The following RFX4 variants were observed in gnomAD, a reference collection of about 807,000 sequenced individuals.
The protein encoded by RFX4 is transcription factor RFX4.
Under a neutral mutation model 95.0 loss-of-function variants are expected in RFX4, and 10 were observed. The ratio of observed to expected loss-of-function variants is 0.11; its 90% CI spans 0.06 to 0.18. RFX4 has a LOEUF of 0.18. Ranked by LOEUF, RFX4 falls within the 10% of genes least tolerant of loss-of-function variation. The pLI, the probability that RFX4 is intolerant of heterozygous loss-of-function variation, is 1.00. For missense variants in RFX4, 640 were observed against 922.0 expected (o/e 0.69, Z 3.96); for synonymous variants, 321 against 340.7 (o/e 0.94, Z 0.64).
At chr12:106,654,506 T>C (rs1220343367) in intron 4 of RFX4, among the ~76,000 whole-genome samples, 155 bp downstream of exon 4, 1 of 152,264 alleles carries the variant, frequency 6.6e-6, no homozygotes, top group Non-Finnish European at 1.5e-5. Flanking sequence ...AATACTTTGC[T>C]ATCAAAATTT....
At chr12:106,590,775 A>G (rs80234921) in intron 1 of RFX4, among the ~76,000 whole-genome samples, 15,318 of 152,110 alleles carry the variant, frequency 0.1, 929 homozygotes, top group Non-Finnish European at 0.12. Context: ...TGACACTCTT[A>G]TCTCTACAAG....
At chr12:106,653,581 A>G (rs2040897146) in intron 3 of RFX4, among the ~76,000 whole-genome samples, 1 of 152,190 alleles carries the variant, frequency 6.6e-6, no homozygotes, top group Admixed American at 6.5e-5. Flanking sequence ...AGAATCCCTA[A>G]TGGAGACTCA....
chr12:106,744,246 A>G (rs2042854817), intron 15 of RFX4, among the ~76,000 whole-genome samples: 1 of 152,200 alleles, frequency 6.6e-6, no homozygotes, highest in Non-Finnish European at 1.5e-5. Context: ...TGCTAAAGTC[A>G]TTATCTTTTG....
At chr12:106,729,195 T>G (rs760536404) in intron 13 of RFX4, among the ~76,000 whole-genome samples, 3 of 152,230 alleles carry the variant, frequency 2.0e-5, no homozygotes, top group Non-Finnish European at 4.4e-5. Flanking sequence ...AAGCTTTCCA[T>G]GCTAATTCAT....
At chr12:106,605,454 G>A (rs560092191) in intron 1 of RFX4, among the ~76,000 whole-genome samples, 71 of 152,290 alleles carry the variant, frequency 4.7e-4, no homozygotes, top group Non-Finnish European at 8.7e-4. Context: ...CAGATCCAAG[G>A]CCCGAATCTG....
At chr12:106,731,268 G>C (rs942246213) in intron 13 of RFX4, among the ~76,000 whole-genome samples, 5 of 152,138 alleles carry the variant, frequency 3.3e-5, no homozygotes, top group Non-Finnish European at 7.4e-5. Flanking sequence ...GTGCATGGTA[G>C]CAGCATGACA....
chr12:106,648,898 C>T (rs1042861065), intron 3 of RFX4, among the ~76,000 whole-genome samples: 6 of 152,052 alleles, frequency 3.9e-5, no homozygotes, highest in Admixed American at 6.6e-5. Flanking sequence ...TGATACAAAG[C>T]TTCCTCCATG....
chr12:106,703,601 T>A (rs764887066), intron 8 of RFX4, among the ~76,000 whole-genome samples: 10 of 152,230 alleles, frequency 6.6e-5, no homozygotes, highest in Non-Finnish European at 1.5e-4. Context: ...CACATCTTTA[T>A]AAGAAAGATT....
chr12:106,710,819 C>T (rs1468027493), intron 9 of RFX4, among the ~76,000 whole-genome samples: 1 of 152,128 alleles, frequency 6.6e-6, no homozygotes, highest in Non-Finnish European at 1.5e-5. Flanking sequence ...GTCTTGTCTG[C>T]GTTGAAATCC....
At chr12:106,671,312 A>T (rs2041276197) in intron 4 of RFX4, among the ~76,000 whole-genome samples, 1 of 152,174 alleles carries the variant, frequency 6.6e-6, no homozygotes, top group Admixed American at 6.5e-5. Context: ...GATCAAACTG[A>T]TCAAGATCAT....
chr12:106,724,402 G>A (rs2042451370), intron 13 of RFX4, among the ~76,000 whole-genome samples: 1 of 152,126 alleles, frequency 6.6e-6, no homozygotes, highest in Non-Finnish European at 1.5e-5. Flanking sequence ...TCACAATTAA[G>A]GCAAATACTC....
intron 4 of RFX4, among the ~76,000 whole-genome samples, chr12:106,654,724 C>T (rs945705694): frequency 6.6e-6 from 1 of 152,092 alleles, no homozygotes; most frequent in Non-Finnish European, 1.5e-5. Context: ...GGCCCTGTAT[C>T]CTTAGATTGG....
intron 2 of RFX4, among the ~76,000 whole-genome samples, chr12:106,632,091 G>A (rs1017042824): frequency 1.3e-5 from 2 of 152,222 alleles, no homozygotes; most frequent in Non-Finnish European, 2.9e-5. Flanking sequence ...CTAATAAGTA[G>A]TGGAGCTGGG....
chr12:106,609,511 G>A (rs1337020782), intron 2 of RFX4, among the ~76,000 whole-genome samples: 4 of 152,160 alleles, frequency 2.6e-5, no homozygotes, highest in Non-Finnish European at 5.9e-5. Context: ...AGTCAGAAGT[G>A]TCTTTCTTCC....
At chr12:106,710,708 C>G (rs1392917819) in intron 9 of RFX4, among the ~76,000 whole-genome samples, 1 of 152,156 alleles carries the variant, frequency 6.6e-6, no homozygotes, top group Non-Finnish European at 1.5e-5. Flanking sequence ...CTGTTCTTCC[C>G]AGGGAGCCCA....
Position 106,681,976 on chromosome 12 carries a change from C to T in RFX4, c.316-17C>T. ...AACTCTTCCCAATGGGTAACTGATTCTTGTGTTGACTTACAGATCATAAGG... is the reference window on the plus strand; with the variant it reads ...AACTCTTCCCAATGGGTAACTGATTTTTGTGTTGACTTACAGATCATAAGG... On this transcript the variant is annotated splice_polypyrimidine_tract_variant and intron_variant, in intron 4 of 17. Transcript: ENST00000392842. 6.2e-7 allele frequency: 1 copy of T among 1,614,056 alleles called. No individual in the cohort carries two copies. The highest frequency in any genetic ancestry group is 1.1e-5 in the South Asian group (1 of 91,078).
At chr12:106,616,777 T>C (rs2040082011) in intron 2 of RFX4, among the ~76,000 whole-genome samples, 1 of 152,246 alleles carries the variant, frequency 6.6e-6, no homozygotes, top group African/African-American at 2.4e-5. Flanking sequence ...TTTACTTTTT[T>C]TGAGACGGAG....
At chr12:106,745,182 T>C (rs1320788377) in intron 15 of RFX4, among the ~76,000 whole-genome samples, 1 of 152,192 alleles carries the variant, frequency 6.6e-6, no homozygotes, top group Non-Finnish European at 1.5e-5. Context: ...CATTTTATTG[T>C]CTCGAATCTT....
intron 16 of RFX4, among the ~76,000 whole-genome samples, chr12:106,749,862 C>A (rs1379917578): frequency 6.6e-6 from 1 of 152,134 alleles, no homozygotes; most frequent in East Asian, 1.9e-4. Context: ...ATGGTGCTCT[C>A]CCCCCAGGAG....
Sources: gnomAD v4.1 joint callset for allele counts (sites outside exome capture counted in the v4.1 genomes callset) on GRCh38, gnomAD v4.1.1 for gene constraint, MANE v1.5 for transcripts, NCBI Gene and HGNC (gene_info 2026-07-23, HGNC 2026-07-21) for gene names.